Variants in RNF130 observed in about 807,000 individuals in gnomAD.
RNF130 encodes E3 ubiquitin-protein ligase RNF130.
RNF130 carries 21 observed loss-of-function variants against 44.6 expected under a neutral mutation model. The observed-to-expected ratio is 0.47, with a 90% CI of 0.33 to 0.68. The LOEUF is 0.68. RNF130 is among the 30% of genes least tolerant of loss of function. The probability of loss-of-function intolerance (pLI) is 0.02; values close to 1 mark genes in which losing one functional copy is unlikely to be tolerated. For synonymous variants in RNF130, 214 were observed against 210.4 expected (o/e 1.02, Z -0.15); for missense variants, 479 against 560.6 (o/e 0.85, Z 1.47).
chr5:179,978,264 G>C lies in RNF130; in HGVS notation c.787C>G (p.His263Asp). ...TAGCTCTCTATGCAGACTGCACAATGATCAAAGTCTGGGTCAGTTTCCTAA... is the reference window on the plus strand; with the variant it reads ...TAGCTCTCTATGCAGACTGCACAATCATCAAAGTCTGGGTCAGTTTCCTAA... ...GDKETDPDFD[H>D]CAVCIESYKQ... Residue 263 changes from histidine to aspartate, a missense_variant, in exon 5 of 9, where the codon CAT becomes GAT. This residue lies in a region of RNF130 where 180 missense variants were observed against 275.1 expected (regional missense o/e 0.65). Coordinates refer to ENST00000521389, the MANE Select transcript of RNF130 (RefSeq NM_018434.6). 6.2e-7 allele frequency: 1 copy of C among 1,613,824 alleles called. No homozygotes were observed. The highest frequency in any genetic ancestry group is 8.5e-7 in the Non-Finnish European group (1 of 1,179,720).
chr5:180,063,801 TA>T (rs1561713912), intron 1 of RNF130, among the ~76,000 whole-genome samples: 1 of 152,204 alleles, frequency 6.6e-6, no homozygotes, highest in Non-Finnish European at 1.5e-5. Context: ...AGACCAACGG[TA>T]CATGGTTCAT....
intron 3 of RNF130, among the ~76,000 whole-genome samples, chr5:179,985,435 C>T (rs953311925): frequency 2.0e-5 from 3 of 152,022 alleles, no homozygotes; most frequent in Non-Finnish European, 2.9e-5. Flanking sequence ...GTCCTTAGGA[C>T]CCCCTGCTCT....
chr5:179,990,491 A>G (rs1326948150), intron 3 of RNF130, among the ~76,000 whole-genome samples: 1 of 152,184 alleles, frequency 6.6e-6, no homozygotes, highest in East Asian at 1.9e-4. Flanking sequence ...TCACAGGGAG[A>G]TGGTTAGGCC....
chr5:180,052,123 C>T (rs1042090963), intron 1 of RNF130, among the ~76,000 whole-genome samples: 3 of 152,180 alleles, frequency 2.0e-5, no homozygotes, highest in African/African-American at 7.2e-5. Flanking sequence ...GCTAGACCCT[C>T]GCCAAGGTCT....
At chr5:179,934,972 T>C (rs1761867425) in intron 7 of RNF130, among the ~76,000 whole-genome samples, 1 of 152,212 alleles carries the variant, frequency 6.6e-6, no homozygotes, top group Admixed American at 6.5e-5. Context: ...TCGCTAGGCT[T>C]TCGAGATTTA....
At chr5:180,007,708 A>C (rs1450572197) in intron 3 of RNF130, among the ~76,000 whole-genome samples, 1 of 152,178 alleles carries the variant, frequency 6.6e-6, no homozygotes. Flanking sequence ...CCGCAAAATA[A>C]ATGCTAGGAA....
chr5:179,935,692 T>G (rs1761880672), intron 7 of RNF130, among the ~76,000 whole-genome samples: 1 of 152,176 alleles, frequency 6.6e-6, no homozygotes, highest in African/African-American at 2.4e-5. Context: ...TGGATGACTT[T>G]TTGTTATTAC....
intron 2 of RNF130, among the ~76,000 whole-genome samples, chr5:180,034,816 T>TTCC (rs1466868438): frequency 2.0e-5 from 3 of 152,224 alleles, no homozygotes; most frequent in African/African-American, 7.2e-5. Flanking sequence ...AACCTGTGGA[T>TTCC]GGTCATGGGG....
At chr5:180,008,536 G>C (rs997695957) in intron 3 of RNF130, among the ~76,000 whole-genome samples, 1 of 152,110 alleles carries the variant, frequency 6.6e-6, no homozygotes, top group African/African-American at 2.4e-5. Context: ...TGAAATCATA[G>C]AGTATTTCTC....
chr5:179,952,035 A>T (rs933334729), downstream of RNF130, among the ~76,000 whole-genome samples: 6 of 152,126 alleles, frequency 3.9e-5, no homozygotes, highest in Admixed American at 1.3e-4. Flanking sequence ...AAATAAAATA[A>T]TAAAGATTTG....
chr5:179,991,226 A>C (rs1024525818), intron 3 of RNF130, among the ~76,000 whole-genome samples: 10 of 151,954 alleles, frequency 6.6e-5, no homozygotes, highest in African/African-American at 2.4e-4. Flanking sequence ...TCTCTTGTTG[A>C]TTTTAGAATT....
chr5:179,927,016 T>C (rs1761717585), intron 7 of RNF130, among the ~76,000 whole-genome samples: 1 of 152,210 alleles, frequency 6.6e-6, no homozygotes, highest in Non-Finnish European at 1.5e-5. Context: ...GTGTTGACTG[T>C]TATGGGGTGA....
chr5:180,066,765 G>A (rs762003586), intron 1 of RNF130, among the ~76,000 whole-genome samples: 4 of 152,146 alleles, frequency 2.6e-5, no homozygotes, highest in Non-Finnish European at 5.9e-5. Flanking sequence ...CCCGGGAGGT[G>A]GAGGTTGCGG....
rs1763258297 is a variant in RNF130, at chr5:179,998,744, C to A, written c.693+14317G>T. 2.0e-5 allele frequency among the ~76,000 whole-genome samples: 3 copies of A among 151,178 alleles called. No homozygotes were observed. In the South Asian group the frequency reaches 6.3e-4, roughly 32 times the overall value. On this transcript the variant is annotated intron_variant, in intron 3 of 8. Transcript: ENST00000521389. ...CATTTGGTCTAAAGTGCAGTTTAAA[C>A]CCAATGTTTCTTTATTTTCTGTCTA...
intron 2 of RNF130, among the ~76,000 whole-genome samples, chr5:180,020,839 C>T (rs1763853483): frequency 6.6e-6 from 1 of 152,170 alleles, no homozygotes; most frequent in South Asian, 2.1e-4. Context: ...AGTGGAGAGC[C>T]ACAGACTCTC....
intron 3 of RNF130, among the ~76,000 whole-genome samples, chr5:179,985,153 CTT>C (rs34998254): frequency 1.5e-4 from 14 of 91,974 alleles, no homozygotes; most frequent in Admixed American, 5.8e-4. Context: ...TACCCCCTAA[CTT>C]TTTTTTTTTT....
chr5:180,071,710 C>G lies in RNF130; in HGVS notation c.-8G>C. On this transcript the variant is annotated 5_prime_UTR_variant, in exon 1 of 9. Transcript: ENST00000521389. The stretch of plus-strand genomic sequence containing the variant: ...CCGCCCCGCGCAGCTCATCGTCCCT[C>G]CGGCAGCCGCCGCTGCTCGCGGACC... The G allele has an allele frequency of 7.9e-7, 1 of 1,265,070 alleles. No homozygotes were observed. The highest frequency in any genetic ancestry group is 1.6e-5 in the African/African-American group (1 of 63,886). The allele number at this position is 1,265,070 out of a possible 1,614,324, so 78.4% of individuals were successfully genotyped here.
intron 1 of RNF130, among the ~76,000 whole-genome samples, chr5:180,066,562 C>T (rs1177775193): frequency 2.0e-5 from 3 of 152,122 alleles, no homozygotes; most frequent in East Asian, 1.9e-4. Context: ...GGCAATACAG[C>T]GAGACCCTGT....
At chr5:180,012,943 T>C in intron 3 of RNF130, 118 bp downstream of exon 3, 2 of 1,168,054 alleles carry the variant, frequency 1.7e-6, no homozygotes, top group East Asian at 4.7e-5. Context: ...TTAAAATGAC[T>C]GAGTGAGGGT....
Sources: gnomAD v4.1 joint callset for allele counts (sites outside exome capture counted in the v4.1 genomes callset) on GRCh38, gnomAD v4.1.1 for gene constraint, gnomAD v4.1.1 regional missense constraint, MANE v1.5 for transcripts, NCBI Gene and HGNC (gene_info 2026-07-23, HGNC 2026-07-21) for gene names.